The following OSBPL8 variants were observed in gnomAD, a reference collection of about 807,000 sequenced individuals.
The protein encoded by OSBPL8 is oxysterol-binding protein-related protein 8.
In OSBPL8, 59 loss-of-function variants were observed where a neutral mutation model predicts 125.5. The observed-to-expected ratio is 0.47, with a 90% CI of 0.38 to 0.58. The LOEUF (loss-of-function observed/expected upper bound fraction) is 0.58, where lower values mean the gene tolerates loss of function less well. OSBPL8 is among the 20% of genes least tolerant of loss of function. The probability of loss-of-function intolerance (pLI) is 0.00; values close to 1 mark genes in which losing one functional copy is unlikely to be tolerated. For synonymous variants in OSBPL8, 330 were observed against 338.9 expected, an observed-to-expected ratio of 0.97 and a Z score of 0.29; for missense variants, 758 against 1,047.8, an observed-to-expected ratio of 0.72 and a Z score of 3.82.
chr12:76,374,043 A>G (rs1260498544), intron 17 of OSBPL8, among the ~76,000 whole-genome samples: 1 of 152,188 alleles, frequency 6.6e-6, no homozygotes, highest in Non-Finnish European at 1.5e-5. Flanking sequence ...TCATCACCAT[A>G]CAAGGAAAAT....
At chr12:76,359,034 A>G (rs1314949617) in intron 21 of OSBPL8, among the ~76,000 whole-genome samples, 1 of 152,236 alleles carries the variant, frequency 6.6e-6, no homozygotes, top group Non-Finnish European at 1.5e-5. Flanking sequence ...AGTAAAATAC[A>G]CAATGAAGAG....
Position 76,392,718 on chromosome 12 carries a change from C to T in OSBPL8, c.792G>A (p.Leu264=), listed in dbSNP as rs762047941. Residue 264 remains leucine (L), a synonymous_variant, in exon 10 of 24, where the codon TTG becomes TTA. Transcript: ENST00000261183. The part of the protein sequence containing the change: ...RCWMDALELA[L]KCSSLLKRTM... The stretch of plus-strand genomic sequence containing the variant: ...TACGTTTAAGAAGACTAGAACATTT[C>T]AAAGCCAACTCCAAAGCATCCATCC... The T allele has an allele frequency of 6.2e-7, 1 of 1,613,574 alleles. No homozygotes were observed. Among genetic ancestry groups the T allele is most frequent in the Admixed American group, 1.7e-5 (1 of 60,020 alleles).
intron 14 of OSBPL8, 84 bp downstream of exon 14, chr12:76,386,084 T>C: frequency 6.6e-7 from 1 of 1,506,420 alleles, no homozygotes; most frequent in East Asian, 2.5e-5. Flanking sequence ...TAAATAATAT[T>C]GAGTTTACTG....
intron 1 of OSBPL8, among the ~76,000 whole-genome samples, chr12:76,556,997 G>A (rs1396391529): frequency 2.0e-5 from 3 of 152,032 alleles, no homozygotes; most frequent in Non-Finnish European, 4.4e-5. Flanking sequence ...TTGTGTTTCT[G>A]TCTTATTTGC....
chr12:76,405,965 C>T (rs1156892641), intron 5 of OSBPL8, among the ~76,000 whole-genome samples: 1 of 152,078 alleles, frequency 6.6e-6, no homozygotes, highest in Non-Finnish European at 1.5e-5. Context: ...TATCCCCTTA[C>T]AGGCTCTGTG....
chr12:76,386,484 G>T, intron 13 of OSBPL8, 95 bp downstream of exon 13: 1 of 1,319,450 alleles, frequency 7.6e-7, no homozygotes, highest in Admixed American at 2.5e-5. Flanking sequence ...AAGAAGCCCA[G>T]TAATGTAACT....
intron 1 of OSBPL8, among the ~76,000 whole-genome samples, chr12:76,488,187 A>C (rs1878358484): frequency 6.6e-6 from 1 of 152,244 alleles, no homozygotes; most frequent in Non-Finnish European, 1.5e-5. Context: ...GATGGCTAGA[A>C]GCTTCCTTAA....
chr12:76,422,420 A>T (rs1328075488), intron 4 of OSBPL8: 1 of 408,744 alleles, frequency 2.4e-6, no homozygotes, highest in Non-Finnish European at 4.8e-6. Flanking sequence ...TGTTTTATTT[A>T]AATGAAAGCG....
chr12:76,459,240 T>G (rs1413855083), intron 3 of OSBPL8, among the ~76,000 whole-genome samples: 2 of 152,108 alleles, frequency 1.3e-5, no homozygotes, highest in African/African-American at 2.4e-5. Flanking sequence ...CCCCTCTTAC[T>G]CCCTAGCTAG....
At chr12:76,549,102 G>GA (rs914775142) in intron 1 of OSBPL8, among the ~76,000 whole-genome samples, 4 of 150,668 alleles carry the variant, frequency 2.7e-5, no homozygotes, top group Admixed American at 6.6e-5. Context: ...TACTAAAGGG[G>GA]AAAAAAAACC....
intron 1 of OSBPL8, among the ~76,000 whole-genome samples, chr12:76,487,873 T>C (rs1018480459): frequency 6.6e-6 from 1 of 152,174 alleles, no homozygotes; most frequent in Non-Finnish European, 1.5e-5. Flanking sequence ...TTTGAAAGGA[T>C]GCATAAATCT....
At position 76,545,620 on chromosome 12, in the gene OSBPL8, CA is replaced by C. The variant is rs1484329367; in HGVS notation, c.-68+13776del. On this transcript the variant is annotated intron_variant, in intron 1 of 23. Coordinates refer to ENST00000261183, the MANE Select transcript of OSBPL8 (RefSeq NM_020841.5). Reference sequence around the variant, plus strand: ...AAGAATGGCTATCTTGGGCATGAAACAAAAATGAGCATCTGAGTGCCTAACT... The same window carrying C: ...AAGAATGGCTATCTTGGGCATGAAACAAAATGAGCATCTGAGTGCCTAACT... Among the ~76,000 whole-genome samples, 3 of 152,184 alleles carry C rather than the reference CA, an allele frequency of 2.0e-5. No individual in the cohort carries two copies. In the East Asian group the frequency reaches 5.8e-4, roughly 29 times the overall value.
At chr12:76,534,042 T>C (rs1950424002) in intron 1 of OSBPL8, among the ~76,000 whole-genome samples, 1 of 152,224 alleles carries the variant, frequency 6.6e-6, no homozygotes, top group Non-Finnish European at 1.5e-5. Context: ...TAAACTAAAG[T>C]GGTTTAAGAA....
At chr12:76,388,630 A>G (rs552174179) in intron 12 of OSBPL8, among the ~76,000 whole-genome samples, 1 of 152,066 alleles carries the variant, frequency 6.6e-6, no homozygotes, top group South Asian at 2.1e-4. Context: ...TCAAATGTAC[A>G]TTTTCCTTAT....
At chr12:76,452,906 T>G (rs1258757947) in intron 3 of OSBPL8, among the ~76,000 whole-genome samples, 2 of 152,172 alleles carry the variant, frequency 1.3e-5, no homozygotes. Context: ...TCTCCTTTGT[T>G]GTCTGGGCTC....
intron 1 of OSBPL8, among the ~76,000 whole-genome samples, chr12:76,496,958 C>T (rs1879340921): frequency 6.6e-6 from 1 of 151,984 alleles, no homozygotes; most frequent in Non-Finnish European, 1.5e-5. Context: ...GGATTACAGA[C>T]ATGAGCCACC....
intron 2 of OSBPL8, among the ~76,000 whole-genome samples, chr12:76,483,869 T>A (rs1024104526): frequency 6.6e-6 from 1 of 151,752 alleles, no homozygotes; most frequent in Non-Finnish European, 1.5e-5. Context: ...GAGATGGGGT[T>A]TCACCATGTT....
intron 1 of OSBPL8, among the ~76,000 whole-genome samples, chr12:76,526,635 CTTTTTTTTTTTTTTTTTT>C (rs573409160): frequency 0.081 from 5,230 of 64,918 alleles, 493 homozygotes; most frequent in African/African-American, 0.25. Flanking sequence ...CAGTAAATCT[CTTTTTTTTTTTTTTTTTT>C]TTTTTTTTTT....
intron 1 of OSBPL8, among the ~76,000 whole-genome samples, chr12:76,500,231 C>T (rs1436609285): frequency 6.6e-6 from 1 of 152,188 alleles, no homozygotes; most frequent in Non-Finnish European, 1.5e-5. Context: ...TTCTCTGACC[C>T]TTTGTGTCAG....
Sources: allele counts gnomAD v4.1 joint callset (sites outside exome capture counted in the v4.1 genomes callset), GRCh38; gene constraint gnomAD v4.1.1; transcripts MANE v1.5; gene names NCBI Gene and HGNC (gene_info 2026-07-23, HGNC 2026-07-21).